Variants in IGF1R observed in about 807,000 individuals in gnomAD.
The protein encoded by IGF1R is insulin-like growth factor 1 receptor.
Under a neutral mutation model 144.6 loss-of-function variants are expected in IGF1R, and 44 were observed. That is an observed-to-expected ratio of 0.30 (90% CI 0.24 to 0.39). IGF1R has a LOEUF of 0.39. IGF1R is among the 10% of genes least tolerant of loss of function. The pLI, the probability that IGF1R is intolerant of heterozygous loss-of-function variation, is 1.00. For missense variants in IGF1R, 1,355 were observed against 1,833.7 expected, an observed-to-expected ratio of 0.74 and a Z score of 4.77; for synonymous variants, 795 against 722.8, an observed-to-expected ratio of 1.10 and a Z score of -1.60.
intron 3 of IGF1R, 41 bp from the exon 4 acceptor site, chr15:98,896,716 C>A: frequency 1.9e-6 from 3 of 1,598,488 alleles, no homozygotes; most frequent in Non-Finnish European, 2.6e-6. Flanking sequence ...AAGACAGACT[C>A]AATTATGTGT....
At chr15:98,791,378 A>G (rs540367076) in intron 2 of IGF1R, among the ~76,000 whole-genome samples, 2 of 152,330 alleles carry the variant, frequency 1.3e-5, no homozygotes, top group South Asian at 4.1e-4. Context: ...TACATGTATT[A>G]AGGAGTTTAT....
At chr15:98,708,173 C>T in intron 2 of IGF1R, 66 bp downstream of exon 2, 1 of 1,388,638 alleles carries the variant, frequency 7.2e-7, no homozygotes, top group African/African-American at 1.4e-5. Flanking sequence ...CCTTGACCTC[C>T]CTTCTCTTCT....
At chr15:98,879,495 T>C (rs922087900) in intron 2 of IGF1R, among the ~76,000 whole-genome samples, 2 of 152,300 alleles carry the variant, frequency 1.3e-5, no homozygotes, top group African/African-American at 4.8e-5. Flanking sequence ...TCCTGCTGAC[T>C]CGGAGCAGAG....
intron 1 of IGF1R, among the ~76,000 whole-genome samples, chr15:98,655,091 C>T (rs1381378063): frequency 6.6e-6 from 1 of 152,166 alleles, no homozygotes; most frequent in Non-Finnish European, 1.5e-5. Flanking sequence ...TACACATCCC[C>T]TCATGCCTGC....
At chr15:98,821,923 C>T (rs978059486) in intron 2 of IGF1R, among the ~76,000 whole-genome samples, 1 of 152,146 alleles carries the variant, frequency 6.6e-6, no homozygotes, top group Non-Finnish European at 1.5e-5. Flanking sequence ...CCACTCCAGG[C>T]CAACTCATTT....
chr15:98,840,228 G>A (rs2011150244), intron 2 of IGF1R, among the ~76,000 whole-genome samples: 1 of 152,170 alleles, frequency 6.6e-6, no homozygotes, highest in Non-Finnish European at 1.5e-5. Context: ...CATGAGCTCA[G>A]AGCACATGAT....
At chr15:98,814,334 T>C (rs1034961634) in intron 2 of IGF1R, among the ~76,000 whole-genome samples, 1 of 152,120 alleles carries the variant, frequency 6.6e-6, no homozygotes, top group African/African-American at 2.4e-5. Context: ...GGTGCCCTTA[T>C]ATGATTTGGA....
chr15:98,814,000 T>C (rs1474283888), intron 2 of IGF1R, among the ~76,000 whole-genome samples: 1 of 152,240 alleles, frequency 6.6e-6, no homozygotes, highest in African/African-American at 2.4e-5. Flanking sequence ...CCTCAGTTCA[T>C]GTTTTTTACT....
intron 2 of IGF1R, among the ~76,000 whole-genome samples, chr15:98,785,451 C>T (rs573651428): frequency 6.6e-6 from 1 of 152,254 alleles, no homozygotes; most frequent in South Asian, 2.1e-4. Flanking sequence ...TTCATGATTT[C>T]AGTCCCAGGT....
At chr15:98,811,038 C>T (rs542791745) in intron 2 of IGF1R, among the ~76,000 whole-genome samples, 10 of 151,982 alleles carry the variant, frequency 6.6e-5, no homozygotes, top group African/African-American at 1.4e-4. Flanking sequence ...CGGTGGCTCA[C>T]GCCTGTAATC....
chr15:98,673,831 C>T (rs1055127714), intron 1 of IGF1R, among the ~76,000 whole-genome samples: 1 of 152,188 alleles, frequency 6.6e-6, no homozygotes, highest in African/African-American at 2.4e-5. Flanking sequence ...GTGCCAGGCG[C>T]TGTATTTTGT....
intron 2 of IGF1R, among the ~76,000 whole-genome samples, chr15:98,743,821 T>C (rs2054803089): frequency 6.6e-6 from 1 of 152,064 alleles, no homozygotes; most frequent in African/African-American, 2.4e-5. Flanking sequence ...AAAGTGAACT[T>C]GGACTAGTGG....
intron 2 of IGF1R, among the ~76,000 whole-genome samples, chr15:98,866,223 C>T (rs1426255277): frequency 2.0e-5 from 3 of 152,164 alleles, no homozygotes; most frequent in Non-Finnish European, 2.9e-5. Context: ...AGGAAGACGC[C>T]TCTGTCTCTG....
At chr15:98,755,683 C>CA (rs1454663429) in intron 2 of IGF1R, among the ~76,000 whole-genome samples, 2 of 133,088 alleles carry the variant, frequency 1.5e-5, no homozygotes, top group African/African-American at 2.9e-5. Flanking sequence ...CGTGCCACTG[C>CA]ACTCCAGCCT....
chr15:98,832,733 T>C (rs920301985), intron 2 of IGF1R, among the ~76,000 whole-genome samples: 1 of 152,214 alleles, frequency 6.6e-6, no homozygotes, highest in East Asian at 1.9e-4. Context: ...TTATGCTAAG[T>C]TGGAATATAG....
chr15:98,835,425 G>A (rs2057081985), intron 2 of IGF1R, among the ~76,000 whole-genome samples: 1 of 152,238 alleles, frequency 6.6e-6, no homozygotes, highest in Non-Finnish European at 1.5e-5. Flanking sequence ...ATGAAGAGGA[G>A]AGTGACTTTA....
At chr15:98,713,155 C>G (rs141033280) in intron 2 of IGF1R, among the ~76,000 whole-genome samples, 1 of 152,014 alleles carries the variant, frequency 6.6e-6, no homozygotes, top group Non-Finnish European at 1.5e-5. Context: ...CTTTTCCTCT[C>G]AAGGATGTAA....
intron 2 of IGF1R, among the ~76,000 whole-genome samples, chr15:98,741,034 A>G (rs1464684656): frequency 7.8e-6 from 1 of 129,030 alleles, no homozygotes; most frequent in Non-Finnish European, 1.7e-5. Flanking sequence ...AAGAGTGATA[A>G]TGTTTAACAT....
intron 2 of IGF1R, among the ~76,000 whole-genome samples, chr15:98,712,322 C>T (rs1329888352): frequency 6.6e-6 from 1 of 152,204 alleles, no homozygotes; most frequent in African/African-American, 2.4e-5. Flanking sequence ...CATTTCACTA[C>T]AGCCTCTGAT....
Sources: gnomAD v4.1 joint callset for allele counts (sites outside exome capture counted in the v4.1 genomes callset) on GRCh38, gnomAD v4.1.1 for gene constraint, MANE v1.5 for transcripts, NCBI Gene and HGNC (gene_info 2026-07-23, HGNC 2026-07-21) for gene names.